Variants in CA11 observed in about 807,000 individuals in gnomAD.
The protein encoded by CA11 is carbonic anhydrase 11 (inactive), also known as carbonic anhydrase-related protein 11.
Under a neutral mutation model 39.3 loss-of-function variants are expected in CA11, and 20 were observed. The observed-to-expected ratio is 0.51, with a 90% CI of 0.36 to 0.74. The LOEUF is 0.74. Ranked by LOEUF, CA11 falls within the 30% of genes least tolerant of loss-of-function variation. CA11 has a pLI of 0.00. For missense variants in CA11, 336 were observed against 424.6 expected (o/e 0.79, Z 1.83); for synonymous variants, 166 against 172.5 (o/e 0.96, Z 0.29).
At chr19:48,645,342 C>T (rs1693318533) in intron 2 of CA11, 61 bp downstream of exon 2, 1 of 1,460,260 alleles carries the variant, frequency 6.8e-7, no homozygotes, top group Admixed American at 2.0e-5. Flanking sequence ...ACCCAGGTTC[C>T]TGAGTCTGAA....
At chr19:48,639,968 G>A (rs2031016051) in intron 4 of CA11, 85 bp from the exon 5 acceptor site, 1 of 1,511,298 alleles carries the variant, frequency 6.6e-7, no homozygotes, top group Non-Finnish European at 9.2e-7. Context: ...TCAGGCTGAG[G>A]ATTAGTGCTT....
chr19:48,640,547 T>C (rs1377721147), intron 3 of CA11, among the ~76,000 whole-genome samples: 1 of 150,756 alleles, frequency 6.6e-6, no homozygotes, highest in African/African-American at 2.4e-5. Flanking sequence ...GCTAATTTTT[T>C]ATTTTTAGTA....
intron 8 of CA11, chr19:48,638,386 G>GT (rs2030925210): frequency 6.1e-5 from 22 of 357,982 alleles, no homozygotes; most frequent in East Asian, 2.0e-4. Flanking sequence ...GGGGGGGGGG[G>GT]GTGTGGACTG....
In CA11 at chr19:48,644,578, G is replaced by C. The variant is rs1420810056; in HGVS notation, c.143-9C>G. 1 of 1,573,628 alleles carries C rather than the reference G, an allele frequency of 6.4e-7. No homozygotes were observed. Among genetic ancestry groups the C allele is most frequent in the Non-Finnish European group, 8.6e-7 (1 of 1,157,820 alleles). On this transcript the variant is annotated splice_polypyrimidine_tract_variant and intron_variant, in intron 2 of 8. Transcript: ENST00000084798. The stretch of plus-strand genomic sequence containing the variant: ...GCCCCAGAAAGGAGGCCCTGGGGGT[G>C]GGGTCGGAGTAGGAGGACAAGGAGT...
intron 7 of CA11, 75 bp from the exon 8 acceptor site, chr19:48,639,128 C>T: frequency 6.3e-7 from 1 of 1,585,292 alleles, no homozygotes; most frequent in Non-Finnish European, 8.6e-7. Context: ...GAAACCCCGC[C>T]CCTGGGAGCA....
chr19:48,639,332 G>A lies in CA11; in HGVS notation c.768C>T (p.Asp256=). The change falls in exon 7 of 9, where the codon GAC becomes GAT. Residue 256 remains aspartate, a synonymous_variant. Transcript: ENST00000084798. ...GAAGGGAGGTGATATTGAGGGCCCG[G>A]TCAATGAGGATCCAGGTGACAGTCT... The part of the protein sequence containing the change: ...CSETVTWILI[D]RALNITSLQM... 1 of 1,613,698 alleles carries A rather than the reference G, an allele frequency of 6.2e-7. No homozygotes were observed. The highest frequency in any genetic ancestry group is 8.5e-7 in the Non-Finnish European group (1 of 1,179,930).
chr19:48,646,100 C>G lies in CA11; in HGVS notation c.-468G>C. ...TCTCTCCTTCTTCACCTCCTCCCGC[C>G]CTCCCTCAGTGTCGGCCTCCAGCTT... On this transcript the variant is annotated 5_prime_UTR_variant, in exon 1 of 9. Coordinates refer to ENST00000084798, the MANE Select transcript of CA11 (RefSeq NM_001217.5). The G allele has an allele frequency of 3.4e-6, 1 of 297,496 alleles. No individual in the cohort carries two copies. The highest frequency in any genetic ancestry group is 6.2e-6 in the Non-Finnish European group (1 of 161,548). The allele number at this position is 297,496 out of a possible 1,614,324, so 18.4% of individuals were successfully genotyped here. A position where few individuals can be genotyped will look rare whatever the true frequency, so the allele number is the denominator to read the frequency against.
At chr19:48,639,739 G>A (rs1279375720) in intron 5 of CA11, 49 bp downstream of exon 5, 1 of 1,596,300 alleles carries the variant, frequency 6.3e-7, no homozygotes, top group African/African-American at 1.3e-5. Flanking sequence ...CAGACCCCGG[G>A]TTCCAGGCAC....
rs754409395 is a variant in CA11, at chr19:48,639,356, C to T, written c.744G>A (p.Glu248=). 8.7e-6 allele frequency: 14 copies of T among 1,613,674 alleles called. No homozygotes were observed. Among genetic ancestry groups the T allele is most frequent in the Non-Finnish European group, 1.2e-5 (14 of 1,179,940 alleles). Residue 248 remains glutamate (E), a synonymous_variant, in exon 7 of 9, where the codon GAG becomes GAA. Transcript: ENST00000084798. ...GGTCAATGAGGATCCAGGTGACAGT[C>T]TCGGAGCAGGGCGGGGTGCTGAGAG... The part of the protein sequence containing the change: ...QGSLSTPPCS[E]TVTWILIDRA...
At chr19:48,641,823 CTTTTTTTTTTT>C (rs71179023) in intron 3 of CA11, among the ~76,000 whole-genome samples, 7 of 92,296 alleles carry the variant, frequency 7.6e-5, no homozygotes, top group Non-Finnish European at 1.6e-4. Flanking sequence ...TTTCAATTTT[CTTTTTTTTTTT>C]TTTTTTTTTT....
At position 48,640,222 on chromosome 19, in the gene CA11, G is replaced by A. The variant is rs2031025150; in HGVS notation, c.344C>T (p.Pro115Leu). The A allele has an allele frequency of 6.2e-7, 1 of 1,613,974 alleles. No homozygotes were observed. The highest frequency in any genetic ancestry group is 1.7e-5 in the Admixed American group (1 of 60,000). Residue 115 changes from proline to leucine, a missense_variant, in exon 4 of 9, where the codon CCT (proline) becomes CTT (leucine). By Grantham distance (98) the Pro-to-Leu change is moderately conservative (BLOSUM62 -3). Transcript: ENST00000084798. ...RHVSFLPAPR[P>L]VVNVSGGPLL... Reference sequence around the variant, plus strand: ...GGGACCTCCAGACACATTGACCACAGGTCGGGGTGCAGGCAGGAAGGAGAC... The same window carrying A: ...GGGACCTCCAGACACATTGACCACAAGTCGGGGTGCAGGCAGGAAGGAGAC...
At chr19:48,640,396 C>CG (rs2031035078) in intron 3 of CA11, 116 bp from the exon 4 acceptor site, 2 of 674,818 alleles carry the variant, frequency 3.0e-6, no homozygotes, top group African/African-American at 6.4e-5. Flanking sequence ...TTTTTTGAAA[C>CG]GGAGTCTCGC....
In CA11 at chr19:48,640,038, G is replaced by A. The variant is rs2031018427; in HGVS notation, c.471+57C>T. The stretch of plus-strand genomic sequence containing the variant: ...GTGAGACACTAAGAGGGTGAGGTGG[G>A]AGGAATTGGGGTGACTCAGGGCGGA... On this transcript the variant is annotated intron_variant, in intron 4 of 8. Transcript: ENST00000084798. 1.1e-5 allele frequency: 18 copies of A among 1,567,868 alleles called. No individual in the cohort carries two copies. The South Asian group carries it at 1.5e-4, about 13-fold the overall frequency.
chr19:48,645,559 G>A lies in CA11; in HGVS notation c.67+7C>T, dbSNP rs1194613898. 1.2e-6 allele frequency: 2 copies of A among 1,603,314 alleles called. No homozygotes were observed. The highest frequency in any genetic ancestry group is 1.7e-6 in the Non-Finnish European group (2 of 1,175,114). ...CGGGGGCTCCTCCCGGGAACCCCAG[G>A]TCTTACCTGCTGCCCCCAGTGCAGC... On this transcript the variant is annotated splice_region_variant and intron_variant, in intron 1 of 8. Coordinates refer to ENST00000084798, the MANE Select transcript of CA11 (RefSeq NM_001217.5).
intron 3 of CA11, 101 bp downstream of exon 3, chr19:48,644,326 C>T (rs1489841808): frequency 1.8e-6 from 2 of 1,139,412 alleles, no homozygotes; most frequent in African/African-American, 3.1e-5. Context: ...GGTGTCCCCT[C>T]CTCCCCCAAG....
In CA11 at chr19:48,646,141, T is replaced by A; in HGVS notation, c.-509A>T. ...CCTCCAGCTTCGTGCTCTCCCCACC[T>A]CCTCCTCTCCTGCCTCTTCTCCCTG... is the stretch of plus-strand genomic sequence containing the variant. On this transcript the variant is annotated 5_prime_UTR_variant, in exon 1 of 9. Coordinates refer to ENST00000084798, the MANE Select transcript of CA11 (RefSeq NM_001217.5). 1 of 237,168 alleles carries A rather than the reference T, an allele frequency of 4.2e-6. No individual in the cohort carries two copies. Among genetic ancestry groups the A allele is most frequent in the Non-Finnish European group, 8.1e-6 (1 of 123,570 alleles). 14.7% of individuals were successfully genotyped at this position (237,168 alleles called of 1,614,324 possible). A position where few individuals can be genotyped will look rare whatever the true frequency, so the allele number is the denominator to read the frequency against.
At chr19:48,638,327 C>T in intron 8 of CA11, 183 bp from the exon 9 acceptor site, 1 of 1,080,220 alleles carries the variant, frequency 9.3e-7, no homozygotes, top group Non-Finnish European at 1.1e-6. Flanking sequence ...AGGGGGGAAT[C>T]GGGACGTCCA....
At position 48,639,059 on chromosome 19, in the gene CA11, G is replaced by A; in HGVS notation, c.796-6C>T. The stretch of plus-strand genomic sequence containing the variant: ...AGGAGTCTCAGGGAGTGCATCTGCA[G>A]TGGAAGGAGGGTGGGAAACTGGGAG... On this transcript the variant is annotated splice_region_variant and splice_polypyrimidine_tract_variant and intron_variant, in intron 7 of 8. Transcript: ENST00000084798. 1.9e-6 allele frequency: 3 copies of A among 1,613,902 alleles called. No individual in the cohort carries two copies. The highest frequency in any genetic ancestry group is 2.5e-6 in the Non-Finnish European group (3 of 1,179,910).
intron 3 of CA11, 68 bp downstream of exon 3, chr19:48,644,359 C>G (rs950321631): frequency 7.0e-7 from 1 of 1,433,676 alleles, no homozygotes; most frequent in Non-Finnish European, 9.4e-7. Flanking sequence ...CCTCAGCACC[C>G]CATTCCCCAG....
Sources: allele counts gnomAD v4.1 joint callset (sites outside exome capture counted in the v4.1 genomes callset), GRCh38; gene constraint gnomAD v4.1.1; transcripts MANE v1.5; gene names NCBI Gene and HGNC (gene_info 2026-07-23, HGNC 2026-07-21).